The following ITGA1 variants were observed in gnomAD, a reference collection of about 807,000 sequenced individuals.
The protein encoded by ITGA1 is integrin subunit alpha 1.
Under a neutral mutation model 145.9 loss-of-function variants are expected in ITGA1, and 85 were observed. The observed-to-expected ratio is 0.58, with a 90% confidence interval of 0.49 to 0.70. ITGA1 has a LOEUF of 0.70. Ranked by LOEUF, ITGA1 falls within the 30% of genes least tolerant of loss-of-function variation. The pLI, the probability that ITGA1 is intolerant of heterozygous loss-of-function variation, is 0.00. For synonymous variants in ITGA1, 520 were observed against 495.3 expected, an observed-to-expected ratio of 1.05 and a Z score of -0.66; for missense variants, 1,351 against 1,418.7, an observed-to-expected ratio of 0.95 and a Z score of 0.77.
At chr5:52,801,498 T>A (rs761558163) in intron 1 of ITGA1, 1 of 1,614,114 alleles carries the variant, frequency 6.2e-7, no homozygotes, top group African/African-American at 1.3e-5. Context: ...CTAAAGCTGC[T>A]GGGGAAGTCA....
chr5:52,912,773 G>T (rs1380647882), intron 14 of ITGA1, among the ~76,000 whole-genome samples: 3 of 148,674 alleles, frequency 2.0e-5, no homozygotes, highest in African/African-American at 7.5e-5. Flanking sequence ...TTGAGACGGA[G>T]TCTCGCTCTG....
intron 3 of ITGA1, among the ~76,000 whole-genome samples, 186 bp downstream of exon 3, chr5:52,861,745 C>T (rs1207394907): frequency 1.3e-5 from 2 of 151,762 alleles, no homozygotes; most frequent in African/African-American, 2.4e-5. Flanking sequence ...TGGTGCACTA[C>T]TGTAGTCCCA....
intron 1 of ITGA1, among the ~76,000 whole-genome samples, chr5:52,793,664 G>A (rs2075685755): frequency 1.3e-5 from 2 of 152,024 alleles, no homozygotes; most frequent in South Asian, 4.1e-4. Context: ...AGGCTAGTAT[G>A]TGAACCCCAT....
rs16880266 is a variant in ITGA1 at position 52,790,931 on chromosome 5, G to A, written c.61+2517G>A. Among the ~76,000 whole-genome samples, 2,214 of 152,178 alleles carry A rather than the reference G, an allele frequency of 0.015. 125 individuals carry two copies. In the East Asian group the frequency reaches 0.21, roughly 15 times the overall value. The stretch of plus-strand genomic sequence containing the variant: ...ATTTTGCCACTGAAGATATGACCTT[G>A]TTTTATACATCGAGAAAAGAATTCC... On this transcript the variant is annotated intron_variant, in intron 1 of 28. Transcript: ENST00000282588.
intron 26 of ITGA1, among the ~76,000 whole-genome samples, chr5:52,942,406 T>C (rs1195924367): frequency 2.0e-5 from 3 of 152,200 alleles, no homozygotes; most frequent in Non-Finnish European, 4.4e-5. Context: ...AGGTTTTTTC[T>C]TTTATTTGTC....
At chr5:52,944,852 T>C in intron 26 of ITGA1, 91 bp from the exon 27 acceptor site, 1 of 855,468 alleles carries the variant, frequency 1.2e-6, no homozygotes, top group Non-Finnish European at 1.9e-6. Flanking sequence ...CTCAGAAAAA[T>C]CTTAGCTTTT....
intron 11 of ITGA1, among the ~76,000 whole-genome samples, chr5:52,900,433 G>GA (rs1750296645): frequency 6.6e-6 from 1 of 151,932 alleles, no homozygotes; most frequent in African/African-American, 2.4e-5. Context: ...CTAACCTAGG[G>GA]AAAAAAATCC....
intron 1 of ITGA1, chr5:52,800,529 C>G (rs1368748939): frequency 2.5e-6 from 4 of 1,613,968 alleles, no homozygotes; most frequent in Admixed American, 1.7e-5. Context: ...CCACCATCCG[C>G]AAGGTACAGA....
At chr5:52,933,142 T>C (rs1361771395) in intron 22 of ITGA1, 1 of 152,066 alleles carries the variant, frequency 6.6e-6, no homozygotes, top group Non-Finnish European at 1.5e-5. Context: ...ATTGGGAACA[T>C]TCAATATCTT....
chr5:52,885,067 A>G (rs1407378336), intron 7 of ITGA1, among the ~76,000 whole-genome samples: 2 of 152,178 alleles, frequency 1.3e-5, no homozygotes, highest in Admixed American at 6.5e-5. Context: ...TTAGTTTATT[A>G]TAAAAGGATA....
chr5:52,808,059 A>G (rs959250407), intron 1 of ITGA1, among the ~76,000 whole-genome samples: 1 of 152,202 alleles, frequency 6.6e-6, no homozygotes, highest in African/African-American at 2.4e-5. Context: ...GTGGGAGTGG[A>G]TTCTGAAACA....
intron 1 of ITGA1, among the ~76,000 whole-genome samples, chr5:52,820,531 A>G (rs1748861407): frequency 6.6e-6 from 1 of 150,712 alleles, no homozygotes. Flanking sequence ...ATAAAAAAAA[A>G]AAAGAAAAAG....
At chr5:52,838,242 A>AGTGGCAGT (rs1211329343) in intron 1 of ITGA1, among the ~76,000 whole-genome samples, 1 of 152,206 alleles carries the variant, frequency 6.6e-6, no homozygotes. Context: ...TTTTAGTTTA[A>AGTGGCAGT]GTGGCAGTGT....
At chr5:52,848,586 T>C (rs561023787) in intron 1 of ITGA1, among the ~76,000 whole-genome samples, 5 of 152,310 alleles carry the variant, frequency 3.3e-5, no homozygotes, top group African/African-American at 7.2e-5. Context: ...TATTATTATT[T>C]TTTTATTACA....
intron 1 of ITGA1, among the ~76,000 whole-genome samples, chr5:52,813,554 A>G (rs767543184): frequency 8.5e-5 from 13 of 152,190 alleles, no homozygotes; most frequent in Admixed American, 2.6e-4. Context: ...GAACCCTGCT[A>G]TAGAAATCAC....
intron 2 of ITGA1, among the ~76,000 whole-genome samples, chr5:52,860,268 C>T (rs1283085952): frequency 6.6e-6 from 1 of 152,170 alleles, no homozygotes; most frequent in Admixed American, 6.5e-5. Context: ...TGTCATCTGG[C>T]TGGGCGTGGT....
rs141895550 is a variant in ITGA1, at chr5:52,890,768, A to G, written c.924+2803A>G. On this transcript the variant is annotated intron_variant, in intron 8 of 28. Transcript: ENST00000282588. ...TTCTCCTGTAGCTATTTTGAAATAT[A>G]CAATATGTTTACTGTAGTTGTCCTA... is the stretch of plus-strand genomic sequence containing the variant. Among the ~76,000 whole-genome samples, 614 of 152,294 alleles carry G rather than the reference A, an allele frequency of 4.0e-3. 7 individuals are homozygous for G. Among genetic ancestry groups the G allele is most frequent in the African/African-American group, 0.014 (579 of 41,572 alleles).
chr5:52,829,477 A>G (rs1749022790), intron 1 of ITGA1, among the ~76,000 whole-genome samples: 1 of 152,178 alleles, frequency 6.6e-6, no homozygotes, highest in Non-Finnish European at 1.5e-5. Context: ...AAGGAGGAAA[A>G]AAAATTCACG....
chr5:52,898,318 T>A lies in ITGA1; in HGVS notation c.1244T>A (p.Ile415Asn). The A allele has an allele frequency of 6.2e-7, 1 of 1,611,874 alleles. No individual in the cohort carries two copies. The change falls in exon 11 of 29, where the codon ATC becomes AAC. Residue 415 changes from isoleucine (I) to asparagine (N), a missense_variant. Ile to Asn is a moderately radical substitution (Grantham distance 149). Transcript: ENST00000282588. ...ATGCAGAAGGCTAGTCAAATCATAA[T>A]CCCTCGAAACACAACCTTTAATGTT... ...VVMQKASQIIIPRNTTFNVES... is the reference protein window; with the variant it reads ...VVMQKASQIINPRNTTFNVES...
Sources: allele counts gnomAD v4.1 joint callset (sites outside exome capture counted in the v4.1 genomes callset), GRCh38; gene constraint gnomAD v4.1.1; transcripts MANE v1.5; gene names NCBI Gene and HGNC (gene_info 2026-07-23, HGNC 2026-07-21).